GLI3: variants seen among roughly 807,000 people sequenced by gnomAD.
GLI3 encodes the protein GLI family zinc finger 3.
GLI3 carries 20 observed loss-of-function variants against 100.8 expected under a neutral mutation model. The ratio of observed to expected loss-of-function variants is 0.20; its 90% CI spans 0.14 to 0.29. The LOEUF (loss-of-function observed/expected upper bound fraction) is 0.29, where lower values mean the gene tolerates loss of function less well. GLI3 is among the 10% of genes least tolerant of loss of function. GLI3 has a pLI of 1.00. For synonymous variants in GLI3, 938 were observed against 860.5 expected, an observed-to-expected ratio of 1.09 and a Z score of -1.58; for missense variants, 2,040 against 2,128.5, an observed-to-expected ratio of 0.96 and a Z score of 0.82.
chr7:42,010,852 C>T (rs562394636), intron 10 of GLI3, among the ~76,000 whole-genome samples: 26 of 152,250 alleles, frequency 1.7e-4, no homozygotes, highest in African/African-American at 5.8e-4. Flanking sequence ...TTTAGCCTTG[C>T]TAGACCTCCT....
chr7:42,161,998 C>T (rs1372834580), intron 2 of GLI3, among the ~76,000 whole-genome samples: 2 of 152,202 alleles, frequency 1.3e-5, no homozygotes, highest in Non-Finnish European at 2.9e-5. Flanking sequence ...CTCCGTGTGT[C>T]CCAGCATGAA....
intron 3 of GLI3, among the ~76,000 whole-genome samples, chr7:42,142,796 G>C (rs370977406): frequency 1.2e-4 from 18 of 151,816 alleles, no homozygotes; most frequent in Non-Finnish European, 2.6e-4. Context: ...AAAATTAGCC[G>C]GGTGTGGTGG....
intron 3 of GLI3, among the ~76,000 whole-genome samples, chr7:42,132,875 G>GA (rs968403179): frequency 3.4e-5 from 5 of 148,064 alleles, no homozygotes; most frequent in African/African-American, 1.2e-4. Flanking sequence ...ACTGAGACTG[G>GA]AAAAAAGACC....
intron 3 of GLI3, among the ~76,000 whole-genome samples, chr7:42,100,388 T>G (rs1010035825): frequency 7.9e-5 from 12 of 152,122 alleles, no homozygotes; most frequent in Admixed American, 7.9e-4. Flanking sequence ...AGCAATCAGG[T>G]TAGATGAGGT....
At chr7:41,983,596 A>G (rs527931983) in intron 10 of GLI3, among the ~76,000 whole-genome samples, 1 of 152,302 alleles carries the variant, frequency 6.6e-6, no homozygotes, top group East Asian at 1.9e-4. Context: ...AATTGGAGGG[A>G]AAATAATGCA....
intron 7 of GLI3, among the ~76,000 whole-genome samples, chr7:42,038,015 AAGAG>A (rs1784053545): frequency 6.6e-6 from 1 of 152,258 alleles, no homozygotes; most frequent in South Asian, 2.1e-4. Context: ...AGAAAAAGTA[AAGAG>A]AAACAAGAGA....
chr7:42,100,471 C>T (rs2128761492), intron 3 of GLI3, among the ~76,000 whole-genome samples: 1 of 152,048 alleles, frequency 6.6e-6, no homozygotes, highest in South Asian at 2.1e-4. Context: ...CGTGGTGGCT[C>T]ACACCAGTAA....
At chr7:42,238,514 C>T (rs7778889), upstream of GLI3, among the ~76,000 whole-genome samples, 65,026 of 151,714 alleles carry the variant, frequency 0.43, 14,442 homozygotes, top group East Asian at 0.71. Flanking sequence ...GAGCTCCCAC[C>T]ACACAGCCTG....
intron 1 of GLI3, among the ~76,000 whole-genome samples, chr7:42,254,453 C>T (rs1482436579): frequency 6.6e-6 from 1 of 152,086 alleles, no homozygotes; most frequent in Non-Finnish European, 1.5e-5. Context: ...GTTGACTGGC[C>T]GACTGGGTTG....
At chr7:42,085,106 T>C (rs1390529839) in intron 3 of GLI3, among the ~76,000 whole-genome samples, 2 of 151,924 alleles carry the variant, frequency 1.3e-5, no homozygotes, top group East Asian at 3.9e-4. Context: ...GAGACAAGGA[T>C]TCACCATGTG....
In GLI3 at chr7:42,178,225, A is replaced by G. The variant is rs1787518830; in HGVS notation, c.125-29757T>C. 2.0e-5 allele frequency among the ~76,000 whole-genome samples: 3 copies of G among 152,174 alleles called. No individual in the cohort carries two copies. In the South Asian group the frequency reaches 6.2e-4, roughly 32 times the overall value. On this transcript the variant is annotated intron_variant, in intron 2 of 14. Transcript: ENST00000395925. ...GCTCCAGGGAAGACAGTCAGGACAAAATGTGCATCACCTAAAGTGCCAACA... is the reference window on the plus strand; with the variant it reads ...GCTCCAGGGAAGACAGTCAGGACAAGATGTGCATCACCTAAAGTGCCAACA...
chr7:42,143,955 A>G (rs1382577092), intron 3 of GLI3, among the ~76,000 whole-genome samples: 1 of 152,200 alleles, frequency 6.6e-6, no homozygotes, highest in Non-Finnish European at 1.5e-5. Flanking sequence ...ATAATATGAC[A>G]TGACTAGTGA....
chr7:42,090,164 C>A (rs1261891545), intron 3 of GLI3, among the ~76,000 whole-genome samples: 1 of 152,118 alleles, frequency 6.6e-6, no homozygotes, highest in East Asian at 1.9e-4. Context: ...CTATATAGAG[C>A]ACTTACCATT....
chr7:42,254,136 C>T lies in GLI3; in HGVS notation c.-43+9858G>A, dbSNP rs528585042. Reference sequence around the variant, plus strand: ...CAGGAGGTTGAGGCAAGAGAATCACCTGAACCTGGGAGGTGGAGGTTGCAG... The same window carrying T: ...CAGGAGGTTGAGGCAAGAGAATCACTTGAACCTGGGAGGTGGAGGTTGCAG... On this transcript the variant is annotated intron_variant, in intron 1 of 2. Transcript: ENST00000678978. 4.7e-5 allele frequency among the ~76,000 whole-genome samples: 7 copies of T among 150,288 alleles called. No homozygotes were observed. In the East Asian group the frequency reaches 1.4e-3, roughly 30 times the overall value.
chr7:42,049,473 A>G (rs1221780198), intron 4 of GLI3, among the ~76,000 whole-genome samples: 1 of 152,258 alleles, frequency 6.6e-6, no homozygotes, highest in African/African-American at 2.4e-5. Context: ...AGTGAGCAGT[A>G]GCAACTAAGT....
chr7:42,125,780 T>C lies in GLI3; in HGVS notation c.367+22446A>G, dbSNP rs535679360. Reference sequence around the variant, plus strand: ...CCTCTTATTTTTGAGGGTATAACTATAGACGGCATTTACGTGCAAACTCTG... The same window carrying C: ...CCTCTTATTTTTGAGGGTATAACTACAGACGGCATTTACGTGCAAACTCTG... On this transcript the variant is annotated intron_variant, in intron 3 of 14. Coordinates refer to ENST00000395925, the MANE Select transcript of GLI3 (RefSeq NM_000168.6). 1.4e-4 allele frequency among the ~76,000 whole-genome samples: 21 copies of C among 152,288 alleles called. 1 individual carries two copies. Among genetic ancestry groups the C allele is most frequent in the African/African-American group, 4.8e-4 (20 of 41,568 alleles).
At chr7:42,062,204 G>A (rs1202739315) in intron 4 of GLI3, among the ~76,000 whole-genome samples, 1 of 152,098 alleles carries the variant, frequency 6.6e-6, no homozygotes, top group Non-Finnish European at 1.5e-5. Flanking sequence ...GGCCCCATTT[G>A]TTCCTAAAAT....
chr7:42,132,250 G>GCCTGCCCA (rs1562748739), intron 3 of GLI3, among the ~76,000 whole-genome samples: 1 of 151,426 alleles, frequency 6.6e-6, no homozygotes, highest in African/African-American at 2.4e-5. Flanking sequence ...ACAGGCGCCC[G>GCCTGCCCA]CCACTACGCC....
intron 1 of GLI3, among the ~76,000 whole-genome samples, chr7:42,248,046 G>C (rs997960185): frequency 6.6e-6 from 1 of 152,180 alleles, no homozygotes; most frequent in Non-Finnish European, 1.5e-5. Context: ...TATGTCAATA[G>C]ATGGAACACT....
Sources: allele counts gnomAD v4.1 joint callset (sites outside exome capture counted in the v4.1 genomes callset), GRCh38; gene constraint gnomAD v4.1.1; transcripts MANE v1.5; gene names NCBI Gene and HGNC (gene_info 2026-07-23, HGNC 2026-07-21).